CLDN20: variants seen among roughly 807,000 people sequenced by gnomAD.
CLDN20 encodes the protein claudin 20.
For synonymous variants in CLDN20, 104 were observed against 103.6 expected (o/e 1.00, Z -0.03); for missense variants, 258 against 267.9 (o/e 0.96, Z 0.26).
intron 1 of CLDN20, among the ~76,000 whole-genome samples, chr6:155,272,297 T>C (rs1390136398): frequency 6.6e-6 from 1 of 152,238 alleles, no homozygotes; most frequent in African/African-American, 2.4e-5. Flanking sequence ...TTTTAAATAT[T>C]ATTTTTGATA....
intron 1 of CLDN20, among the ~76,000 whole-genome samples, chr6:155,274,571 G>T (rs1785082331): frequency 6.6e-6 from 1 of 152,194 alleles, no homozygotes; most frequent in South Asian, 2.1e-4. Context: ...AATGATTCTG[G>T]TCCCAATTAG....
At chr6:155,269,326 T>TTC (rs1784818695) in intron 1 of CLDN20, among the ~76,000 whole-genome samples, 1 of 144,606 alleles carries the variant, frequency 6.9e-6, no homozygotes, top group Non-Finnish European at 1.5e-5. Context: ...TTTCTTTTCT[T>TTC]TTTTTTTTTT....
chr6:155,264,709 A>T (rs1784541173), intron 1 of CLDN20, among the ~76,000 whole-genome samples: 1 of 152,190 alleles, frequency 6.6e-6, no homozygotes, highest in African/African-American at 2.4e-5. Context: ...CTCAGAGCAG[A>T]TGTGGTAGGA....
intron 1 of CLDN20, among the ~76,000 whole-genome samples, chr6:155,268,005 CAAAA>C (rs1331634260): frequency 2.3e-4 from 35 of 152,300 alleles, no homozygotes; most frequent in East Asian, 1.7e-3. Context: ...AATTTGTTTT[CAAAA>C]TGTAGACAGG....
intron 1 of CLDN20, among the ~76,000 whole-genome samples, chr6:155,270,224 G>C (rs1052209177): frequency 6.6e-6 from 1 of 152,206 alleles, no homozygotes; most frequent in African/African-American, 2.4e-5. Flanking sequence ...ATTCAGTTTT[G>C]TGCCATGACA....
intron 1 of CLDN20, among the ~76,000 whole-genome samples, chr6:155,270,580 C>CA (rs927704646): frequency 2.0e-5 from 3 of 151,758 alleles, no homozygotes; most frequent in African/African-American, 2.4e-5. Flanking sequence ...TTCATCAAGG[C>CA]AAAAAAATAA....
At chr6:155,266,734 C>T (rs113984694) in intron 1 of CLDN20, among the ~76,000 whole-genome samples, 1,842 of 151,264 alleles carry the variant, frequency 0.012, 34 homozygotes, top group Non-Finnish European at 0.015. Flanking sequence ...GTAGTCCCCG[C>T]TACTTGGGAG....
At chr6:155,273,009 G>A (rs1425430157) in intron 1 of CLDN20, among the ~76,000 whole-genome samples, 1 of 152,218 alleles carries the variant, frequency 6.6e-6, no homozygotes, top group Non-Finnish European at 1.5e-5. Flanking sequence ...AAGTGAGCAA[G>A]CAGATGCTGT....
chr6:155,275,397 G>C (rs185827830), intron 1 of CLDN20, among the ~76,000 whole-genome samples: 2 of 152,250 alleles, frequency 1.3e-5, no homozygotes, highest in Non-Finnish European at 2.9e-5. Flanking sequence ...GTGGGCAACT[G>C]CTTTCTTTAT....
intron 1 of CLDN20, among the ~76,000 whole-genome samples, chr6:155,274,077 C>G (rs1441051630): frequency 6.6e-6 from 1 of 152,034 alleles, no homozygotes; most frequent in Non-Finnish European, 1.5e-5. Flanking sequence ...TATTTCAATC[C>G]TCCCCATTTT....
In CLDN20 at chr6:155,264,015, A is replaced by G. The variant is rs1329561439; in HGVS notation, c.-378A>G. On this transcript the variant is annotated 5_prime_UTR_variant, in exon 1 of 2. Coordinates refer to ENST00000367165, the MANE Select transcript of CLDN20 (RefSeq NM_001001346.3). ...AGAACAACATATAAGAAGGATTCAA[A>G]GTTCGAAGTGGGATGATCACGGGCA... is the stretch of plus-strand genomic sequence containing the variant. 1 of 152,178 alleles carries G rather than the reference A, an allele frequency of 6.6e-6. No homozygotes were observed. Among genetic ancestry groups the G allele is most frequent in the Non-Finnish European group, 1.5e-5 (1 of 68,038 alleles). 9.4% of individuals were successfully genotyped at this position (152,178 alleles called of 1,614,324 possible).
chr6:155,267,804 A>T (rs1021373008), intron 1 of CLDN20, among the ~76,000 whole-genome samples: 1 of 152,248 alleles, frequency 6.6e-6, no homozygotes, highest in African/African-American at 2.4e-5. Context: ...AGCCAAGAAA[A>T]GTTCAGTTTG....
In CLDN20 at chr6:155,275,840, A is replaced by C. The variant is rs747175815; in HGVS notation, c.121A>C (p.Ile41Leu). The change falls in exon 2 of 2, where the codon ATA (isoleucine) becomes CTA (leucine). Residue 41 changes from isoleucine (I) to leucine (L), a missense_variant. By Grantham distance (5) the Ile-to-Leu change is conservative. Transcript: ENST00000367165. Reference protein sequence around the residue: ...KVNVDVDSNIITAIVQLHGLW... With the variant: ...KVNVDVDSNILTAIVQLHGLW... ...GAATGTGGATGTGGACTCCAACATC[A>C]TAACAGCCATTGTACAGCTGCACGG... is the stretch of plus-strand genomic sequence containing the variant. 11 of 1,614,130 alleles carry C rather than the reference A, an allele frequency of 6.8e-6. No homozygotes were observed. Among genetic ancestry groups the C allele is most frequent in the Non-Finnish European group, 7.6e-6 (9 of 1,180,014 alleles).
At chr6:155,269,664 C>T (rs1432683889) in intron 1 of CLDN20, among the ~76,000 whole-genome samples, 1 of 152,122 alleles carries the variant, frequency 6.6e-6, no homozygotes, top group African/African-American at 2.4e-5. Flanking sequence ...CTAGGTTTGT[C>T]TTGAGAATTA....
chr6:155,273,641 A>T (rs9397798), intron 1 of CLDN20, among the ~76,000 whole-genome samples: 99,978 of 151,922 alleles, frequency 0.66, 33,671 homozygotes, highest in East Asian at 0.98. Flanking sequence ...CTGGTTCCCA[A>T]GGGAAACACA....
chr6:155,265,734 ATATT>A (rs1784603838), intron 1 of CLDN20, among the ~76,000 whole-genome samples: 4 of 140,718 alleles, frequency 2.8e-5, no homozygotes, highest in Admixed American at 7.0e-5. Flanking sequence ...ATATAAATAT[ATATT>A]ATATATAATA....
intron 1 of CLDN20, among the ~76,000 whole-genome samples, chr6:155,268,590 A>G (rs933023965): frequency 6.6e-6 from 1 of 152,230 alleles, no homozygotes; most frequent in Non-Finnish European, 1.5e-5. Flanking sequence ...ACCACACACT[A>G]AGGGAAGCTA....
Position 155,275,902 on chromosome 6 carries a change from G to A in CLDN20, c.183G>A (p.Met61Ile). 2 of 1,614,146 alleles carry A rather than the reference G, an allele frequency of 1.2e-6. No individual in the cohort carries two copies. Among genetic ancestry groups the A allele is most frequent in the Non-Finnish European group, 8.5e-7 (1 of 1,180,016 alleles). ...ACTGTACGTGGTACAGCACTGGGAT[G>A]TTCAGCTGTGCCCTGAAACACTCCA... is the stretch of plus-strand genomic sequence containing the variant. The part of the protein sequence containing the change: ...WMDCTWYSTG[M>I]FSCALKHSIL... The change falls in exon 2 of 2, where the codon ATG (methionine) becomes ATA (isoleucine). Residue 61 changes from methionine (M) to isoleucine (I), a missense_variant. By Grantham distance (10) the Met-to-Ile change is conservative. Transcript: ENST00000367165.
Position 155,267,207 on chromosome 6 carries a change from G to A in CLDN20, c.-105+2919G>A, listed in dbSNP as rs148977817. On this transcript the variant is annotated intron_variant, in intron 1 of 1. Coordinates refer to ENST00000367165, the MANE Select transcript of CLDN20 (RefSeq NM_001001346.3). ...CCAGGCTGGTCTCAAACTTCTGGCC[G>A]CAAGCAATCCACCTGCCTTGGCCTC... Among the ~76,000 whole-genome samples the A allele has an allele frequency of 4.5e-3, 681 of 152,198 alleles. 1 individual carries two copies. The highest frequency in any genetic ancestry group is 7.0e-3 in the Non-Finnish European group (477 of 68,000).
Sources: allele counts gnomAD v4.1 joint callset (sites outside exome capture counted in the v4.1 genomes callset), GRCh38; gene constraint gnomAD v4.1.1; transcripts MANE v1.5; gene names NCBI Gene and HGNC (gene_info 2026-07-23, HGNC 2026-07-21).